LRP2: variants seen among roughly 807,000 people sequenced by gnomAD.
LRP2 encodes the protein LDL receptor related protein 2, also known as low-density lipoprotein receptor-related protein 2.
LRP2 carries 172 observed loss-of-function variants against 531.0 expected under a neutral mutation model. The observed-to-expected ratio is 0.32, with a 90% CI of 0.29 to 0.37. The LOEUF is 0.37. Among genes scored for constraint, LRP2 ranks in the 10% least tolerant of loss-of-function variants. The pLI is 1.00. For synonymous variants in LRP2, 1,992 were observed against 2,027.6 expected (o/e 0.98, Z 0.47); for missense variants, 5,167 against 5,868.3 (o/e 0.88, Z 3.90).
At chr2:169,135,897 C>T (rs1574060427) in intron 76 of LRP2, among the ~76,000 whole-genome samples, 1 of 152,268 alleles carries the variant, frequency 6.6e-6, no homozygotes, top group African/African-American at 2.4e-5. Flanking sequence ...CTTGTTTATA[C>T]CACCGGTTTA....
intron 29 of LRP2, among the ~76,000 whole-genome samples, chr2:169,234,444 G>C (rs1043108941): frequency 6.6e-6 from 1 of 152,176 alleles, no homozygotes; most frequent in African/African-American, 2.4e-5. Context: ...ATGGTTTCCA[G>C]CTTCATCCAT....
chr2:169,304,730 G>C (rs1285111886), intron 4 of LRP2, among the ~76,000 whole-genome samples: 1 of 152,064 alleles, frequency 6.6e-6, no homozygotes, highest in African/African-American at 2.4e-5. Context: ...TGGAAACACT[G>C]TAATGTCTTT....
At chr2:169,248,308 T>A (rs62172651) in intron 19 of LRP2, among the ~76,000 whole-genome samples, 5,682 of 152,346 alleles carry the variant, frequency 0.037, 153 homozygotes, top group South Asian at 0.099. Context: ...ATAGTTTAAC[T>A]AGAAAACCCT....
At chr2:169,257,824 A>C (rs868405871) in intron 17 of LRP2, among the ~76,000 whole-genome samples, 3,465 of 110,784 alleles carry the variant, frequency 0.031, 115 homozygotes, top group African/African-American at 0.12. Context: ...AAAAACAAAA[A>C]CAAAAAAAAA....
chr2:169,162,708 T>G, intron 62 of LRP2, 108 bp from the exon 63 acceptor site: 1 of 1,163,070 alleles, frequency 8.6e-7, no homozygotes, highest in Admixed American at 1.9e-5. Flanking sequence ...AGTGCTTCCC[T>G]ACATTTCCCA....
rs112648467 is a variant in LRP2 at position 169,207,178 on chromosome 2, C to T, written c.6542G>A (p.Arg2181His). ...IEVLRINTTYRRVLLKVTVDM... is the reference protein window; with the variant it reads ...IEVLRINTTYHRVLLKVTVDM... ...CACTGTGACTTTAAGAAGAACACGG[C>T]GGTAAGTAGTATTGATCCGCAGAAC... The change falls in exon 39 of 79, where the codon CGC (arginine) becomes CAC (histidine). Residue 2181 changes from arginine (R) to histidine (H), a missense_variant. Physicochemically the swap from Arg to His is conservative, Grantham distance 29 (BLOSUM62 0). Coordinates refer to ENST00000649046, the MANE Select transcript of LRP2 (RefSeq NM_004525.3). 2.0e-4 allele frequency: 321 copies of T among 1,613,360 alleles called. No homozygotes were observed. The highest frequency in any genetic ancestry group is 2.5e-4 in the Non-Finnish European group (292 of 1,179,796).
Position 169,211,017 on chromosome 2 carries a change from TG to T in LRP2, c.6280+950del, listed in dbSNP as rs35837945. Among the ~76,000 whole-genome samples, 600 of 152,334 alleles carry T rather than the reference TG, an allele frequency of 3.9e-3. 3 individuals carry two copies. Among genetic ancestry groups the T allele is most frequent in the African/African-American group, 0.014 (573 of 41,576 alleles). ...TTTCTGTGTTTGAACATTTTTTTAA[TG>T]AAAAGCTGGGAGAAAAAAACTATTG... On this transcript the variant is annotated intron_variant, in intron 37 of 78. Transcript: ENST00000649046.
chr2:169,359,705 CT>C (rs1317467785), intron 1 of LRP2, among the ~76,000 whole-genome samples: 1 of 152,100 alleles, frequency 6.6e-6, no homozygotes. Flanking sequence ...AGGAGAGATT[CT>C]GGAAAAAGAT....
intron 1 of LRP2, among the ~76,000 whole-genome samples, chr2:169,356,227 C>A (rs1398660400): frequency 6.6e-6 from 1 of 152,028 alleles, no homozygotes; most frequent in Admixed American, 6.6e-5. Context: ...CCTTTTTTGC[C>A]TCAGACAGTT....
At chr2:169,299,135 GAAAGAAAGAAAGAA>G (rs1559063930) in intron 4 of LRP2, among the ~76,000 whole-genome samples, 7 of 64,182 alleles carry the variant, frequency 1.1e-4, no homozygotes, top group South Asian at 6.2e-4. Flanking sequence ...AAGAAAGAAA[GAAAGAAAGAAAGAA>G]AGAAAGAAAA....
intron 1 of LRP2, among the ~76,000 whole-genome samples, chr2:169,352,766 C>T (rs1209543518): frequency 1.3e-5 from 2 of 151,850 alleles, no homozygotes; most frequent in African/African-American, 2.4e-5. Context: ...AAACCAAACA[C>T]CGCATGTTCT....
intron 4 of LRP2, among the ~76,000 whole-genome samples, chr2:169,295,185 C>G (rs1559062068): frequency 6.6e-6 from 1 of 152,202 alleles, no homozygotes; most frequent in Non-Finnish European, 1.5e-5. Flanking sequence ...AGAAAGAAAG[C>G]AGGCCTAGAG....
chr2:169,147,128 G>A lies in LRP2; in HGVS notation c.12591-169C>T, dbSNP rs4667592. ...GAAGATGGGGAGCAAAAATAGGGGC[G>A]CAAGAGCACATATGATTTATCCTTC... On this transcript the variant is annotated intron_variant, in intron 68 of 78. Transcript: ENST00000649046. 0.5 allele frequency among the ~76,000 whole-genome samples: 76,498 copies of A among 151,974 alleles called. 19,791 individuals carry two copies. The highest frequency in any genetic ancestry group is 0.61 in the Admixed American group (9,389 of 15,286).
Position 169,362,352 on chromosome 2 carries a change from G to C in LRP2, c.48C>G (p.Leu16=). Residue 16 remains leucine (L), a synonymous_variant, in exon 1 of 79, where the codon CTC becomes CTG. Coordinates refer to ENST00000649046, the MANE Select transcript of LRP2 (RefSeq NM_004525.3). ...CACTGGCCGGCGCTAGGCAGGCGAC[G>C]AGAGCCAGGAGCAGCGTGCACGCCA... ...AAVACTLLLA[L]VACLAPASGQ... is the part of the protein sequence containing the mutation. 3.2e-6 allele frequency: 5 copies of C among 1,569,860 alleles called. No homozygotes were observed. The highest frequency in any genetic ancestry group is 4.3e-6 in the Non-Finnish European group (5 of 1,159,402).
rs1344444529 is a variant in LRP2 at position 169,178,006 on chromosome 2, T to C, written c.10190A>G (p.His3397Arg). ...GYIEYSDLEG[H>R]HRHTVYDGAL... ...CCCATCATACACCGTGTGTCGATGG[T>C]GGCCCTCCAAATCAGAGTACCTGCA... The change falls in exon 53 of 79, where the codon CAC (histidine) becomes CGC (arginine). Residue 3397 changes from histidine (H) to arginine (R), a missense_variant. Coordinates refer to ENST00000649046, the MANE Select transcript of LRP2 (RefSeq NM_004525.3). The C allele has an allele frequency of 6.8e-6, 11 of 1,613,708 alleles. No individual in the cohort carries two copies. In the East Asian group the frequency reaches 2.0e-4, roughly 29 times the overall value.
chr2:169,135,533 AG>A (rs767057582), intron 76 of LRP2, among the ~76,000 whole-genome samples: 7 of 152,110 alleles, frequency 4.6e-5, no homozygotes, highest in Non-Finnish European at 8.8e-5. Context: ...GCAGTTTCTC[AG>A]GCTCTTGGTA....
At position 169,157,471 on chromosome 2, in the gene LRP2, A is replaced by G. The variant is rs1195724954; in HGVS notation, c.11919T>C (p.Asn3973=). The G allele has an allele frequency of 6.2e-7, 1 of 1,613,150 alleles. No individual in the cohort carries two copies. The highest frequency in any genetic ancestry group is 1.3e-5 in the African/African-American group (1 of 74,862). The change falls in exon 64 of 79, where the codon AAT becomes AAC. Residue 3973 remains asparagine, a synonymous_variant. Coordinates refer to ENST00000649046, the MANE Select transcript of LRP2 (RefSeq NM_004525.3). ...ATTGGGTACAATTTTGCTCGCATAT[A>G]TTTTCAGCACATGTTCTTTCTTTTC... The part of the protein sequence containing the change: ...NKGKERTCAE[N]ICEQNCTQLN...
intron 70 of LRP2, among the ~76,000 whole-genome samples, chr2:169,145,296 G>A (rs1050585730): frequency 8.5e-5 from 13 of 152,232 alleles, no homozygotes; most frequent in African/African-American, 3.1e-4. Context: ...GGGTAGGAAT[G>A]CACATGACTG....
At chr2:169,247,350 A>T in intron 20 of LRP2, 28 bp downstream of exon 20, 1 of 1,613,258 alleles carries the variant, frequency 6.2e-7, no homozygotes, top group African/African-American at 1.3e-5. Context: ...ATACAAAAAA[A>T]TAAAAAAAAC....
Sources: gnomAD v4.1 joint callset for allele counts (sites outside exome capture counted in the v4.1 genomes callset) on GRCh38, gnomAD v4.1.1 for gene constraint, MANE v1.5 for transcripts, NCBI Gene and HGNC (gene_info 2026-07-23, HGNC 2026-07-21) for gene names.